RMDN1: variants seen among roughly 807,000 people sequenced by gnomAD.
RMDN1 encodes the protein regulator of microtubule dynamics protein 1.
In RMDN1, 48 loss-of-function variants were observed where a neutral mutation model predicts 48.9. The ratio of observed to expected loss-of-function variants is 0.98; its 90% CI spans 0.78 to 1.25. The LOEUF (loss-of-function observed/expected upper bound fraction) is 1.25. RMDN1 is among the 50% of genes most tolerant of loss of function. The probability of loss-of-function intolerance (pLI) is 0.00; values close to 1 mark genes in which losing one functional copy is unlikely to be tolerated. For synonymous variants in RMDN1, 148 were observed against 132.6 expected, an observed-to-expected ratio of 1.12 and a Z score of -0.80; for missense variants, 418 against 373.4, an observed-to-expected ratio of 1.12 and a Z score of -0.98.
In RMDN1 at chr8:86,473,031, A is replaced by C; in HGVS notation, c.*1277T>G. ...TGCAGGTATTCCAAAATTTGGAAAA[A>C]CATCCCAAATCCAAGATGCTTCTAC... is the stretch of plus-strand genomic sequence containing the variant. On this transcript the variant is annotated 3_prime_UTR_variant, in exon 10 of 10. Coordinates refer to ENST00000406452, the MANE Select transcript of RMDN1 (RefSeq NM_016033.3). 1.2e-6 allele frequency: 1 copy of C among 863,752 alleles called. No individual in the cohort carries two copies. The highest frequency in any genetic ancestry group is 1.4e-6 in the Non-Finnish European group (1 of 719,596). The allele number at this position is 863,752 out of a possible 1,614,324, so 53.5% of individuals were successfully genotyped here.
rs370756960 is a variant in RMDN1 at position 86,508,632 on chromosome 8, T to C, written c.-12A>G. 414 of 1,596,472 alleles carry C rather than the reference T, an allele frequency of 2.6e-4. No individual in the cohort carries two copies. Among genetic ancestry groups the C allele is most frequent in the Non-Finnish European group, 3.2e-4 (373 of 1,172,380 alleles). ...GCAGCCAGCGCCATGACCTGCAACT[T>C]GCGGGCTGACCCTGCACTACTTCAG... is the stretch of plus-strand genomic sequence containing the variant. On this transcript the variant is annotated 5_prime_UTR_variant, in exon 1 of 10. Coordinates refer to ENST00000406452, the MANE Select transcript of RMDN1 (RefSeq NM_016033.3).
At chr8:86,508,321 T>C in intron 1 of RMDN1, 171 bp downstream of exon 1, 1 of 658,352 alleles carries the variant, frequency 1.5e-6, no homozygotes. Context: ...ATAGTGGAGG[T>C]TTGCAAAATG....
intron 2 of RMDN1, among the ~76,000 whole-genome samples, chr8:86,494,334 T>A (rs1373858634): frequency 6.6e-6 from 1 of 151,932 alleles, no homozygotes; most frequent in East Asian, 1.9e-4. Flanking sequence ...GGTGGGCAGA[T>A]CACTTGAGGC....
chr8:86,514,145 C>T (rs1820189616), intron 1 of RMDN1: 5 of 516,104 alleles, frequency 9.7e-6, no homozygotes, highest in South Asian at 8.6e-5. Context: ...TGAGCCACTG[C>T]GCCCAGTCTT....
intron 9 of RMDN1, 187 bp downstream of exon 9, chr8:86,474,633 C>G (rs761031956): frequency 1.3e-6 from 1 of 743,012 alleles, no homozygotes; most frequent in African/African-American, 1.7e-5. Flanking sequence ...TAACATCCAC[C>G]TGGTGATAGT....
intron 7 of RMDN1, 121 bp from the exon 8 acceptor site, chr8:86,477,445 AAAT>A: frequency 2.7e-6 from 2 of 745,534 alleles, no homozygotes; most frequent in Non-Finnish European, 4.3e-6. Context: ...AATCATCTTA[AAAT>A]AATGGTCACT....
At chr8:86,506,891 T>G (rs1819452076) in intron 2 of RMDN1, 104 bp downstream of exon 2, 1 of 650,982 alleles carries the variant, frequency 1.5e-6, no homozygotes, top group African/African-American at 1.8e-5. Context: ...CCATATGGAT[T>G]TTCTATTATT....
Position 86,486,596 on chromosome 8 carries a change from A to G in RMDN1, c.383T>C (p.Val128Ala), listed in dbSNP as rs1254320833. The G allele has an allele frequency of 6.2e-7, 1 of 1,611,620 alleles. No individual in the cohort carries two copies. Among genetic ancestry groups the G allele is most frequent in the African/African-American group, 1.3e-5 (1 of 75,034 alleles). The change falls in exon 4 of 10, where the codon GTA becomes GCA. Residue 128 changes from valine to alanine, a missense_variant. Coordinates refer to ENST00000406452, the MANE Select transcript of RMDN1 (RefSeq NM_016033.3). ...LWRLARASRD[V>A]AQLSRTSEEE... is the part of the protein sequence containing the mutation. ...TTCTGAGGTTCTGCTAAGCTGAGCT[A>G]CATCACGTGATGCCCGTGCCAAACG...
chr8:86,484,759 T>A (rs2130800182), intron 5 of RMDN1, 113 bp downstream of exon 5: 1 of 510,962 alleles, frequency 2.0e-6, no homozygotes, highest in Non-Finnish European at 3.5e-6. Context: ...GTCATGGCTC[T>A]ACTCCACTGT....
chr8:86,507,427 C>A (rs567583647), intron 1 of RMDN1, among the ~76,000 whole-genome samples: 2 of 152,154 alleles, frequency 1.3e-5, no homozygotes, highest in South Asian at 4.2e-4. Context: ...TATGAGACAC[C>A]AACACATAAT....
At chr8:86,506,132 C>T (rs1288842584) in intron 2 of RMDN1, among the ~76,000 whole-genome samples, 1 of 152,182 alleles carries the variant, frequency 6.6e-6, no homozygotes, top group Non-Finnish European at 1.5e-5. Flanking sequence ...TTGAAGTAAT[C>T]CCACCACCTA....
intron 5 of RMDN1, among the ~76,000 whole-genome samples, chr8:86,481,417 C>A (rs575696075): frequency 3.2e-4 from 49 of 151,994 alleles, no homozygotes; most frequent in African/African-American, 1.1e-3. Context: ...AAATTAAGCC[C>A]TACAAAAAAA....
At chr8:86,468,836 A>G (rs1192196273), downstream of RMDN1, 1 of 397,880 alleles carries the variant, frequency 2.5e-6, no homozygotes, top group Non-Finnish European at 4.9e-6. Flanking sequence ...AGTCAGAAAA[A>G]CTGTAGAAAT....
chr8:86,505,309 A>G, intron 2 of RMDN1: 2 of 471,718 alleles, frequency 4.2e-6, no homozygotes, highest in South Asian at 3.1e-5. Context: ...CCTTCATTTC[A>G]GGAGGCAATG....
chr8:86,486,445 C>A, intron 4 of RMDN1, 39 bp downstream of exon 4: 1 of 1,337,268 alleles, frequency 7.5e-7, no homozygotes, highest in Non-Finnish European at 9.9e-7. Context: ...GAAAATGTAC[C>A]TCTCAGTACA....
intron 2 of RMDN1, among the ~76,000 whole-genome samples, chr8:86,493,328 T>C (rs1816814456): frequency 1.3e-5 from 2 of 152,168 alleles, no homozygotes; most frequent in Non-Finnish European, 2.9e-5. Flanking sequence ...TGGATGTATA[T>C]CCAAAGGAAC....
intron 2 of RMDN1, among the ~76,000 whole-genome samples, chr8:86,502,769 T>C (rs1224116683): frequency 6.6e-6 from 1 of 152,172 alleles, no homozygotes; most frequent in Non-Finnish European, 1.5e-5. Flanking sequence ...AGCAAACTTT[T>C]TCTGTAAAGA....
chr8:86,506,884 T>C (rs1051109360), intron 2 of RMDN1, 111 bp downstream of exon 2: 1 of 647,630 alleles, frequency 1.5e-6, no homozygotes, highest in Non-Finnish European at 2.8e-6. Flanking sequence ...AATATTTCCA[T>C]ATGGATTTTC....
rs964669145 is a variant in RMDN1 at position 86,477,300 on chromosome 8, C to T, written c.754G>A (p.Glu252Lys). 4 of 1,601,900 alleles carry T rather than the reference C, an allele frequency of 2.5e-6. No individual in the cohort carries two copies. Among genetic ancestry groups the T allele is most frequent in the Admixed American group, 3.4e-5 (2 of 58,310 alleles). The stretch of plus-strand genomic sequence containing the variant: ...GTAATCAAAAATACCTTACCTTGTT[C>T]TGCCCTGTGAAAGTAGCCTAAGGCC... The part of the protein sequence containing the change: ...EKALGYFHRA[E>K]QVDPNFYSKN... Residue 252 changes from glutamate to lysine, a missense_variant, in exon 8 of 10, where the codon GAA (glutamate) becomes AAA (lysine). Glu to Lys is a moderately conservative substitution (Grantham distance 56). Coordinates refer to ENST00000406452, the MANE Select transcript of RMDN1 (RefSeq NM_016033.3).
Sources: gnomAD v4.1 joint callset for allele counts (sites outside exome capture counted in the v4.1 genomes callset) on GRCh38, gnomAD v4.1.1 for gene constraint, MANE v1.5 for transcripts, NCBI Gene and HGNC (gene_info 2026-07-23, HGNC 2026-07-21) for gene names.